OR3A2: variants seen among roughly 807,000 people sequenced by gnomAD.
OR3A2 encodes the protein olfactory receptor 3A2.
For missense variants in OR3A2, 318 were observed against 392.8 expected (o/e 0.81, Z 1.61); for synonymous variants, 126 against 159.3 (o/e 0.79, Z 1.57).
At chr17:3,294,438 T>A (rs952821870) in intron 3 of OR3A2, among the ~76,000 whole-genome samples, 1 of 151,688 alleles carries the variant, frequency 6.6e-6, no homozygotes, top group Non-Finnish European at 1.5e-5. Context: ...ATGACAGATA[T>A]GAGAAAAGAC....
rs1567563981 is a variant in OR3A2, at chr17:3,349,678, A to ATG, written c.-178-13553_-178-13552insCA. ...AATTGAACTCAGCTCTGCACCAAGC[A>ATG]GACCTAATAGACATCTACAGAACTC... On this transcript the variant is annotated intron_variant, in intron 2 of 4. Coordinates refer to the OR3A2 transcript ENST00000573491. 2.7e-3 allele frequency among the ~76,000 whole-genome samples: 415 copies of ATG among 151,450 alleles called. 2 individuals are homozygous for ATG. The highest frequency in any genetic ancestry group is 9.6e-3 in the African/African-American group (395 of 41,262).
rs1211230602 is a variant in OR3A2, at chr17:3,300,684, AT to A, written c.-84-21532del. Among the ~76,000 whole-genome samples, 204 of 123,376 alleles carry A rather than the reference AT, an allele frequency of 1.7e-3. 1 individual carries two copies. Among genetic ancestry groups the A allele is most frequent in the Non-Finnish European group, 2.2e-3 (125 of 57,412 alleles). 80.9% of individuals were successfully genotyped at this position (123,376 alleles called of 152,430 possible). A position where few individuals can be genotyped will look rare whatever the true frequency, so the allele number is the denominator to read the frequency against. Reference sequence around the variant, plus strand: ...TTGATGAAAATATTGAGCAACAAAAATTTTTTTCTTTTTTTTTTAAATTATA... The same window carrying A: ...TTGATGAAAATATTGAGCAACAAAAATTTTTTCTTTTTTTTTTAAATTATA... On this transcript the variant is annotated intron_variant, in intron 3 of 4. Transcript: ENST00000573491.
At chr17:3,297,568 T>A (rs1403203430) in intron 3 of OR3A2, among the ~76,000 whole-genome samples, 2 of 151,618 alleles carry the variant, frequency 1.3e-5, no homozygotes, top group Non-Finnish European at 2.9e-5. Flanking sequence ...GCACTTTAAT[T>A]GTATACTTTA....
chr17:3,277,718 G>T, exon 2 of OR3A2: 1 of 437,902 alleles, frequency 2.3e-6, no homozygotes, highest in Non-Finnish European at 4.0e-6. Flanking sequence ...TGAGTTGCAT[G>T]AGTGCAGAGA....
At chr17:3,341,783 T>C (rs2049321168) in intron 2 of OR3A2, among the ~76,000 whole-genome samples, 2 of 152,220 alleles carry the variant, frequency 1.3e-5, no homozygotes, top group South Asian at 4.1e-4. Context: ...TGGTGTTCTC[T>C]GTATTTCCTG....
intron 3 of OR3A2, among the ~76,000 whole-genome samples, chr17:3,324,644 G>A (rs2049155294): frequency 6.6e-6 from 1 of 152,040 alleles, no homozygotes; most frequent in African/African-American, 2.4e-5. Flanking sequence ...TGTTTGCCTG[G>A]GTATCAGCAG....
intron 2 of OR3A2, among the ~76,000 whole-genome samples, chr17:3,367,562 G>C (rs1226603910): frequency 6.9e-6 from 1 of 145,894 alleles, no homozygotes; most frequent in Non-Finnish European, 1.5e-5. Context: ...TTATGGCTGA[G>C]TAGTATTCCA....
chr17:3,365,290 GAAGTA>G (rs1219422217), intron 2 of OR3A2, among the ~76,000 whole-genome samples: 4 of 152,190 alleles, frequency 2.6e-5, no homozygotes, highest in South Asian at 2.1e-4. Context: ...ATAAAACTCA[GAAGTA>G]AATTAGGAAA....
At chr17:3,300,956 C>A (rs899867502) in intron 3 of OR3A2, among the ~76,000 whole-genome samples, 1 of 151,242 alleles carries the variant, frequency 6.6e-6, no homozygotes, top group African/African-American at 2.4e-5. Flanking sequence ...GTTTTCTGTC[C>A]TTGTGATAGT....
chr17:3,279,035 C>T lies in OR3A2; in HGVS notation c.-6-112G>A, dbSNP rs185925454. On this transcript the variant is annotated intron_variant, in intron 1 of 1. Coordinates refer to ENST00000642052, the Ensembl canonical transcript of OR3A2. ...GCCCCGTGGCGAGTCCCCAGGCCAT[C>T]CCTCACTCGTTGACCTCCTCCATCA... 7.7e-4 allele frequency: 1,178 copies of T among 1,524,292 alleles called. 14 individuals are homozygous for T. The African/African-American group carries it at 0.014, about 18-fold the overall frequency. The allele number at this position is 1,524,292 out of a possible 1,614,324, so 94.4% of individuals were successfully genotyped here. A position where few individuals can be genotyped will look rare whatever the true frequency, so the allele number is the denominator to read the frequency against.
chr17:3,324,877 T>C (rs1363448572), intron 3 of OR3A2, among the ~76,000 whole-genome samples: 6 of 152,090 alleles, frequency 3.9e-5, no homozygotes, highest in South Asian at 4.1e-4. Context: ...TGTGAATGCA[T>C]GTATTAAGTA....
chr17:3,299,533 T>C (rs2048945869), intron 3 of OR3A2, among the ~76,000 whole-genome samples: 1 of 152,140 alleles, frequency 6.6e-6, no homozygotes. Context: ...ACCTTAGAAG[T>C]TGAGACTCTT....
At chr17:3,337,503 A>G (rs2049282362) in intron 2 of OR3A2, among the ~76,000 whole-genome samples, 1 of 151,916 alleles carries the variant, frequency 6.6e-6, no homozygotes, top group African/African-American at 2.4e-5. Flanking sequence ...CATTTCTCAC[A>G]TATGAGTGAG....
At chr17:3,282,010 G>A (rs2048779659) in intron 1 of OR3A2, among the ~76,000 whole-genome samples, 1 of 152,174 alleles carries the variant, frequency 6.6e-6, no homozygotes, top group Admixed American at 6.5e-5. Context: ...GAGGCATGAT[G>A]ATGGCTTGTT....
At chr17:3,385,128 A>ACTCCG (rs1001902880) in intron 1 of OR3A2, among the ~76,000 whole-genome samples, 1 of 152,226 alleles carries the variant, frequency 6.6e-6, no homozygotes. Context: ...CAGGAGGCAG[A>ACTCCG]GGTTGCGGTG....
At chr17:3,289,509 C>G (rs1410832496) in intron 3 of OR3A2, among the ~76,000 whole-genome samples, 1 of 152,200 alleles carries the variant, frequency 6.6e-6, no homozygotes, top group East Asian at 1.9e-4. Context: ...TGAAGAAATG[C>G]CAGAGGCACC....
At position 3,323,088 on chromosome 17, in the gene OR3A2, CTCT is replaced by C. The variant is rs373023121; in HGVS notation, c.-85+12942_-85+12944del. On this transcript the variant is annotated intron_variant, in intron 3 of 4. Coordinates refer to the OR3A2 transcript ENST00000573491. ...GTGCATATATATTTAGGATAGTTAGCTCTTCTTGTTGAATTGATCCCTTTACCG... is the reference window on the plus strand; with the variant it reads ...GTGCATATATATTTAGGATAGTTAGCTCTTGTTGAATTGATCCCTTTACCG... Among the ~76,000 whole-genome samples the C allele has an allele frequency of 2.5e-4, 38 of 152,236 alleles. No homozygotes were observed. In the East Asian group the frequency reaches 6.8e-3, roughly 27 times the overall value.
chr17:3,333,970 A>C (rs1426783122), intron 3 of OR3A2, among the ~76,000 whole-genome samples: 1 of 152,238 alleles, frequency 6.6e-6, no homozygotes, highest in Non-Finnish European at 1.5e-5. Flanking sequence ...TTCTCAAAAG[A>C]AGACATTCAT....
intron 3 of OR3A2, among the ~76,000 whole-genome samples, chr17:3,289,466 ATCTCT>A (rs1194282170): frequency 1.3e-5 from 2 of 152,238 alleles, no homozygotes; most frequent in African/African-American, 4.8e-5. Context: ...CAAGACCGAA[ATCTCT>A]CCTTGAGGCT....
Sources: gnomAD v4.1 joint callset for allele counts (sites outside exome capture counted in the v4.1 genomes callset) on GRCh38, gnomAD v4.1.1 for gene constraint, MANE v1.5 for transcripts, NCBI Gene and HGNC (gene_info 2026-07-23, HGNC 2026-07-21) for gene names.